The following SV2B variants were observed in gnomAD, a reference collection of about 807,000 sequenced individuals.
The protein encoded by SV2B is synaptic vesicle glycoprotein 2B.
Under a neutral mutation model 73.9 loss-of-function variants are expected in SV2B, and 41 were observed. The observed-to-expected ratio is 0.56, with a 90% CI of 0.43 to 0.72. The LOEUF (loss-of-function observed/expected upper bound fraction) is 0.72, where lower values mean the gene tolerates loss of function less well. SV2B is among the 30% of genes least tolerant of loss of function. SV2B has a pLI of 0.00. For synonymous variants in SV2B, 314 were observed against 314.2 expected (o/e 1.00, Z 0.01); for missense variants, 764 against 857.8 (o/e 0.89, Z 1.37).
At chr15:91,237,484 A>C (rs923412089) in intron 2 of SV2B, among the ~76,000 whole-genome samples, 4 of 152,200 alleles carry the variant, frequency 2.6e-5, no homozygotes, top group Non-Finnish European at 4.4e-5. Flanking sequence ...CAATAGAATC[A>C]CCTGAGGAGC....
At chr15:91,248,948 G>T (rs8041730) in intron 2 of SV2B, among the ~76,000 whole-genome samples, 1 of 151,916 alleles carries the variant, frequency 6.6e-6, no homozygotes, top group African/African-American at 2.4e-5. Context: ...AATCTCTGGA[G>T]CACTCCTCTA....
Position 91,232,408 on chromosome 15 carries a change from C to T in SV2B, c.451+5694C>T, listed in dbSNP as rs1441671038. Among the ~76,000 whole-genome samples the T allele has an allele frequency of 2.0e-5, 3 of 152,284 alleles. No individual in the cohort carries two copies. Among genetic ancestry groups the T allele is most frequent in the Admixed American group, 6.5e-5 (1 of 15,300 alleles). ...GAAGGGCTCCCTTAGCAGACGTACA[C>T]GGATTGCTGTGTTTAGGAGTGTGGA... On this transcript the variant is annotated intron_variant, in intron 2 of 12. Transcript: ENST00000394232. The surrounding 1 kb of genome is among the most constrained non-coding windows in gnomAD (Gnocchi z 4.7).
Position 91,252,279 on chromosome 15 carries a change from C to G in SV2B, c.633-90C>G, listed in dbSNP as rs983812372. ...TTCACTGGGTCCTTTCACCACAGAG[C>G]CTAAGGTGGGGTATAGGCAACTTGG... On this transcript the variant is annotated intron_variant, in intron 3 of 12. Coordinates refer to ENST00000394232, the MANE Select transcript of SV2B (RefSeq NM_001323032.3). This position sits in a 1 kb window ranked among gnomAD's most constrained non-coding sequence, Gnocchi z 4.6. The G allele has an allele frequency of 4.7e-6, 7 of 1,502,058 alleles. No individual in the cohort carries two copies. Among genetic ancestry groups the G allele is most frequent in the Middle Eastern group, 1.8e-4 (1 of 5,614 alleles). 93.0% of individuals were successfully genotyped at this position (1,502,058 alleles called of 1,614,324 possible).
Position 91,161,826 on chromosome 15 carries a change from A to G in SV2B, c.-392+61463A>G, listed in dbSNP as rs543368907. Among the ~76,000 whole-genome samples the G allele has an allele frequency of 1.1e-4, 17 of 152,328 alleles. No homozygotes were observed. In the East Asian group the frequency reaches 3.1e-3, roughly 28 times the overall value. ...GTCTTCCACCACCTGAGCCCTGTCT[A>G]CTTTGTCCCCTGTGTATACTTCAAA... is the stretch of plus-strand genomic sequence containing the variant. On this transcript the variant is annotated intron_variant, in intron 1 of 12. Coordinates refer to ENST00000394232, the MANE Select transcript of SV2B (RefSeq NM_001323032.3).
intron 1 of SV2B, among the ~76,000 whole-genome samples, chr15:91,146,487 A>G (rs2043150615): frequency 2.0e-5 from 3 of 152,096 alleles, no homozygotes; most frequent in Admixed American, 6.5e-5. Flanking sequence ...GAAGAATGTC[A>G]ACGGTAGTTT....
chr15:91,233,470 C>T (rs1223371394), intron 2 of SV2B, among the ~76,000 whole-genome samples: 1 of 152,150 alleles, frequency 6.6e-6, no homozygotes, highest in Non-Finnish European at 1.5e-5. Flanking sequence ...CCTGAGATTG[C>T]TGAAAACCAA....
At chr15:91,194,310 C>T (rs2045160473) in intron 1 of SV2B, among the ~76,000 whole-genome samples, 3 of 152,078 alleles carry the variant, frequency 2.0e-5, no homozygotes, top group South Asian at 2.1e-4. Context: ...GACTTTGGGC[C>T]AGCCTGCTCA....
chr15:91,145,974 C>T (rs972719598), intron 1 of SV2B, among the ~76,000 whole-genome samples: 5 of 152,180 alleles, frequency 3.3e-5, no homozygotes, highest in African/African-American at 1.2e-4. Context: ...TGTGCAGAAG[C>T]TCTTTAGTTT....
In SV2B at chr15:91,283,976, GCT is replaced by G; in HGVS notation, c.1508-43_1508-42del. The stretch of plus-strand genomic sequence containing the variant: ...CCCTGCCTCTGCCTTTCTCTCTCCA[GCT>G]CCCTTCCACTTACATGAACCGAAGG... On this transcript the variant is annotated intron_variant, in intron 10 of 12. Coordinates refer to ENST00000394232, the MANE Select transcript of SV2B (RefSeq NM_001323032.3). The surrounding 1 kb of genome is among the most constrained non-coding windows in gnomAD (Gnocchi z 4.3). 6.2e-7 allele frequency: 1 copy of G among 1,601,650 alleles called. No homozygotes were observed. The highest frequency in any genetic ancestry group is 2.2e-5 in the East Asian group (1 of 44,820).
In SV2B at chr15:91,141,877, C is replaced by T. The variant is rs748829722; in HGVS notation, c.-392+41514C>T. 1.5e-4 allele frequency among the ~76,000 whole-genome samples: 23 copies of T among 151,892 alleles called. No homozygotes were observed. Among genetic ancestry groups the T allele is most frequent in the East Asian group, 3.9e-4 (2 of 5,184 alleles). On this transcript the variant is annotated intron_variant, in intron 1 of 12. Transcript: ENST00000394232. This position sits in a 1 kb window ranked among gnomAD's most constrained non-coding sequence, Gnocchi z 4.6. ...TGTTTAAAAGACTGACACTGTCGGACGGGAATTGGCAGTAGAGAACACAGG... is the reference window on the plus strand; with the variant it reads ...TGTTTAAAAGACTGACACTGTCGGATGGGAATTGGCAGTAGAGAACACAGG...
intron 2 of SV2B, among the ~76,000 whole-genome samples, chr15:91,233,250 T>C (rs988652829): frequency 6.6e-5 from 10 of 152,200 alleles, no homozygotes; most frequent in African/African-American, 1.9e-4. Context: ...CAAATACTTA[T>C]AATAGGCAAG....
intron 1 of SV2B, among the ~76,000 whole-genome samples, chr15:91,160,712 T>A (rs943827170): frequency 1.3e-5 from 2 of 151,874 alleles, no homozygotes; most frequent in Non-Finnish European, 2.9e-5. Flanking sequence ...CCAAAATAGA[T>A]CCAAGGATAA....
At chr15:91,256,994 C>T (rs184548803) in intron 4 of SV2B, among the ~76,000 whole-genome samples, 3 of 152,162 alleles carry the variant, frequency 2.0e-5, no homozygotes, top group Non-Finnish European at 4.4e-5. Flanking sequence ...TAACTATTGC[C>T]CTCTAAACTT....
chr15:91,296,505 C>CCTGCCTGATCATGGGCGCACGTTCCTT lies in SV2B; in HGVS notation c.*3964_*3990dup, dbSNP rs1555416479. ...TCTGCCTGATCGTTGGGAGCACACT[C>CCTGCCTGATCATGGGCGCACGTTCCTT]CTGCCTGATCATGGGCGCACGTTCC... On this transcript the variant is annotated 3_prime_UTR_variant, in exon 13 of 13. Coordinates refer to ENST00000394232, the MANE Select transcript of SV2B (RefSeq NM_001323032.3). 6.7e-5 allele frequency: 10 copies of CCTGCCTGATCATGGGCGCACGTTCCTT among 150,050 alleles called. No homozygotes were observed. Among genetic ancestry groups the CCTGCCTGATCATGGGCGCACGTTCCTT allele is most frequent in the African/African-American group, 2.5e-4 (10 of 40,446 alleles). 9.3% of individuals were successfully genotyped at this position (150,050 alleles called of 1,614,324 possible).
chr15:91,217,287 T>C (rs189156791), intron 1 of SV2B, among the ~76,000 whole-genome samples: 1 of 152,356 alleles, frequency 6.6e-6, no homozygotes, highest in East Asian at 1.9e-4. Context: ...GTGCTTTATC[T>C]ATCTTGGACC....
At position 91,210,216 on chromosome 15, in the gene SV2B, C is replaced by G. The variant is rs188452025; in HGVS notation, c.-391-15657C>G. Among the ~76,000 whole-genome samples the G allele has an allele frequency of 2.0e-5, 3 of 152,056 alleles. No homozygotes were observed. The East Asian group carries it at 5.8e-4, about 29-fold the overall frequency. ...TGGGACTGCAAGATAATCTGTGAGG[C>G]CACTACTGATAATTTCCCCAGTGAG... On this transcript the variant is annotated intron_variant, in intron 1 of 12. Coordinates refer to ENST00000394232, the MANE Select transcript of SV2B (RefSeq NM_001323032.3).
chr15:91,179,801 G>A (rs2044475375), intron 1 of SV2B, among the ~76,000 whole-genome samples: 1 of 152,076 alleles, frequency 6.6e-6, no homozygotes, highest in African/African-American at 2.4e-5. Flanking sequence ...CCCGTGAGCT[G>A]GGTTTCCTGA....
At chr15:91,159,723 G>A (rs995324706) in intron 1 of SV2B, among the ~76,000 whole-genome samples, 1 of 152,042 alleles carries the variant, frequency 6.6e-6, no homozygotes, top group African/African-American at 2.4e-5. Flanking sequence ...GAAAATAAAT[G>A]ATTTGACTAT....
intron 12 of SV2B, among the ~76,000 whole-genome samples, chr15:91,291,074 A>G (rs1325478848): frequency 6.7e-6 from 1 of 148,172 alleles, no homozygotes; most frequent in African/African-American, 2.5e-5. Context: ...ACATATAATT[A>G]ATAACATATA....
Sources: allele counts gnomAD v4.1 joint callset (sites outside exome capture counted in the v4.1 genomes callset), GRCh38; gene constraint gnomAD v4.1.1; non-coding constraint Gnocchi (gnomAD v3.1); transcripts MANE v1.5; gene names NCBI Gene and HGNC (gene_info 2026-07-23, HGNC 2026-07-21).